BPGM: variants seen among roughly 807,000 people sequenced by gnomAD.
The protein encoded by BPGM is 2,3-bisphosphoglycerate mutase, erythrocyte.
In BPGM, 15 loss-of-function variants were observed where a neutral mutation model predicts 21.6. That is an observed-to-expected ratio of 0.70 (90% CI 0.47 to 1.07). The LOEUF (loss-of-function observed/expected upper bound fraction) is 1.07. BPGM is among the 50% of genes least tolerant of loss of function. The pLI is 0.00. For synonymous variants in BPGM, 113 were observed against 116.2 expected (o/e 0.97, Z 0.18); for missense variants, 273 against 319.0 (o/e 0.86, Z 1.10).
Position 134,647,915 on chromosome 7 carries a change from A to G in BPGM, c.-62+978A>G, listed in dbSNP as rs1325589718. Among the ~76,000 whole-genome samples the G allele has an allele frequency of 7.2e-5, 11 of 152,016 alleles. No homozygotes were observed. In the East Asian group the frequency reaches 2.1e-3, roughly 29 times the overall value. Reference sequence around the variant, plus strand: ...CGGGTTCAAGTGATTCTCCTGCCTCAGCCTCCCAAGTAGCTGGGATTACAA... The same window carrying G: ...CGGGTTCAAGTGATTCTCCTGCCTCGGCCTCCCAAGTAGCTGGGATTACAA... On this transcript the variant is annotated intron_variant, in intron 1 of 2. Transcript: ENST00000344924.
intron 2 of BPGM, among the ~76,000 whole-genome samples, chr7:134,669,682 T>C (rs1795874972): frequency 6.6e-6 from 1 of 152,230 alleles, no homozygotes; most frequent in South Asian, 2.1e-4. Flanking sequence ...GTCAAATGAC[T>C]TATTTATATA....
rs539277194 is a variant in BPGM at position 134,672,542 on chromosome 7, C to A, written c.602-6311C>A. On this transcript the variant is annotated intron_variant, in intron 2 of 2. Transcript: ENST00000344924. ...GTAATGACAACTGTATTTAACTCCA[C>A]ACCACTGTGGAGAGGGGTAGGTACA... 8.5e-5 allele frequency among the ~76,000 whole-genome samples: 13 copies of A among 152,284 alleles called. No homozygotes were observed. In the East Asian group the frequency reaches 2.1e-3, roughly 25 times the overall value.
Position 134,665,272 on chromosome 7 carries a change from T to C in BPGM, c.601+3164T>C, listed in dbSNP as rs1198125106. 2.1e-4 allele frequency among the ~76,000 whole-genome samples: 6 copies of C among 28,254 alleles called. 2 individuals are homozygous for C. Among genetic ancestry groups the C allele is most frequent in the Non-Finnish European group, 3.4e-4 (6 of 17,686 alleles). The allele number at this position is 28,254 out of a possible 152,430, so 18.5% of individuals were successfully genotyped here. On this transcript the variant is annotated intron_variant, in intron 2 of 2. Transcript: ENST00000344924. Reference sequence around the variant, plus strand: ...CAAAGTGCACATATACACCATGGAATACTATGCAGCCATAAAAAATGATGA... The same window carrying C: ...CAAAGTGCACATATACACCATGGAACACTATGCAGCCATAAAAAATGATGA...
chr7:134,663,368 ATGTGTGTGTGTGTG>A (rs146657759), intron 2 of BPGM, among the ~76,000 whole-genome samples: 1 of 151,062 alleles, frequency 6.6e-6, no homozygotes, highest in African/African-American at 2.4e-5. Context: ...GGCACTTGAT[ATGTGTGTGTGTGTG>A]TGTTTGTGTG....
In BPGM at chr7:134,658,189, T is replaced by C. The variant is rs576255632; in HGVS notation, c.-61-3258T>C. 2.0e-4 allele frequency among the ~76,000 whole-genome samples: 31 copies of C among 152,282 alleles called. 1 individual carries two copies. The South Asian group carries it at 6.4e-3, about 32-fold the overall frequency. The stretch of plus-strand genomic sequence containing the variant: ...TGGAGCTAAGTAGTAGGTACTCCTT[T>C]GATTTTTTACATGAATTTTTAGGAG... On this transcript the variant is annotated intron_variant, in intron 1 of 2. Coordinates refer to ENST00000344924, the MANE Select transcript of BPGM (RefSeq NM_001724.5).
chr7:134,666,639 T>G (rs1338319182), intron 2 of BPGM, among the ~76,000 whole-genome samples: 1 of 152,222 alleles, frequency 6.6e-6, no homozygotes, highest in Non-Finnish European at 1.5e-5. Context: ...GTACTCCAAT[T>G]AACACTAATG....
chr7:134,672,868 A>T (rs1367493043), intron 2 of BPGM, among the ~76,000 whole-genome samples: 1 of 151,986 alleles, frequency 6.6e-6, no homozygotes, highest in African/African-American at 2.4e-5. Context: ...GGTTTTTCCT[A>T]ATTTGCTGTT....
At position 134,661,527 on chromosome 7, in the gene BPGM, T is replaced by C. The variant is rs1795730248; in HGVS notation, c.20T>C (p.Ile7Thr). Reference protein sequence around the residue: MSKYKLIMLRHGEGAWN... With the variant: MSKYKLTMLRHGEGAWN... ...ATCAGTATGTCCAAGTACAAACTTA[T>C]TATGTTAAGACATGGAGAGGGTGCT... Residue 7 changes from isoleucine (I) to threonine (T), a missense_variant, in exon 2 of 3, where the codon ATT (isoleucine) becomes ACT (threonine). By Grantham distance (89) the Ile-to-Thr change is moderately conservative. Transcript: ENST00000344924. The surrounding 1 kb of genome is among the most constrained non-coding windows in gnomAD (Gnocchi z 4.6). 2 of 1,614,144 alleles carry C rather than the reference T, an allele frequency of 1.2e-6. No individual in the cohort carries two copies. The highest frequency in any genetic ancestry group is 4.5e-5 in the East Asian group (2 of 44,884).
At chr7:134,649,860 G>T (rs1337817851) in intron 1 of BPGM, among the ~76,000 whole-genome samples, 2 of 152,058 alleles carry the variant, frequency 1.3e-5, no homozygotes, top group Non-Finnish European at 2.9e-5. Context: ...TTTATTCCCA[G>T]CTTTCGCTTC....
intron 2 of BPGM, among the ~76,000 whole-genome samples, chr7:134,669,939 C>T (rs1451889662): frequency 6.6e-6 from 1 of 152,090 alleles, no homozygotes; most frequent in Non-Finnish European, 1.5e-5. Flanking sequence ...ACCGTGAAAA[C>T]ATCTAACGCA....
chr7:134,677,808 A>G (rs1172871347), intron 2 of BPGM, among the ~76,000 whole-genome samples: 1 of 152,158 alleles, frequency 6.6e-6, no homozygotes, highest in Non-Finnish European at 1.5e-5. Context: ...GCTGAACTTC[A>G]TCTCTTTCTC....
chr7:134,679,013 G>A lies in BPGM; in HGVS notation c.762G>A (p.Val254=), dbSNP rs1796024292. Residue 254 remains valine, a synonymous_variant, in exon 3 of 3, where the codon GTG becomes GTA. Coordinates refer to ENST00000344924, the MANE Select transcript of BPGM (RefSeq NM_001724.5). ...AIKKVEDQGK[V]KQAKK ...AGAAAGTAGAAGATCAAGGAAAAGTGAAACAAGCTAAAAAATAGTCTTTCT... is the reference window on the plus strand; with the variant it reads ...AGAAAGTAGAAGATCAAGGAAAAGTAAAACAAGCTAAAAAATAGTCTTTCT... 1 of 1,614,044 alleles carries A rather than the reference G, an allele frequency of 6.2e-7. No individual in the cohort carries two copies. Among genetic ancestry groups the A allele is most frequent in the Non-Finnish European group, 8.5e-7 (1 of 1,180,008 alleles).
Position 134,661,693 on chromosome 7 carries a change from G to A in BPGM, c.186G>A (p.Arg62=), listed in dbSNP as rs184531591. The A allele has an allele frequency of 5.3e-5, 85 of 1,614,086 alleles. No homozygotes were observed. The Admixed American group carries it at 1.1e-3, about 21-fold the overall frequency. Residue 62 remains arginine (R), a synonymous_variant, in exon 2 of 3, where the codon CGG becomes CGA. Transcript: ENST00000344924. The surrounding 1 kb of genome is among the most constrained non-coding windows in gnomAD (Gnocchi z 4.6). ...FDLVFTSVLN[R]SIHTAWLILE... ...TTGTATTCACATCTGTCCTTAATCGGTCCATTCACACAGCCTGGCTGATCC... is the reference window on the plus strand; with the variant it reads ...TTGTATTCACATCTGTCCTTAATCGATCCATTCACACAGCCTGGCTGATCC...
intron 1 of BPGM, among the ~76,000 whole-genome samples, chr7:134,649,173 T>A (rs1679897063): frequency 6.9e-6 from 1 of 145,708 alleles, no homozygotes; most frequent in African/African-American, 2.6e-5. Context: ...ACAATTAAAT[T>A]GTTTTTTTTT....
At chr7:134,672,106 C>T (rs760425484) in intron 2 of BPGM, among the ~76,000 whole-genome samples, 3 of 152,094 alleles carry the variant, frequency 2.0e-5, no homozygotes, top group Non-Finnish European at 4.4e-5. Flanking sequence ...GACTTTCTCC[C>T]CAATTTTGGC....
chr7:134,679,189 G>A lies in BPGM; in HGVS notation c.*158G>A. On this transcript the variant is annotated 3_prime_UTR_variant, in exon 3 of 3. Transcript: ENST00000344924. ...GGTAACTTATTGTGGCCCAGATAAG[G>A]CTTTAGGATGCCTCAGTGCTTATGT... 1.3e-6 allele frequency: 1 copy of A among 776,524 alleles called. No individual in the cohort carries two copies. Among genetic ancestry groups the A allele is most frequent in the South Asian group, 1.8e-5 (1 of 56,440 alleles). The allele number at this position is 776,524 out of a possible 1,614,324, so 48.1% of individuals were successfully genotyped here.
intron 1 of BPGM, among the ~76,000 whole-genome samples, chr7:134,647,842 G>A (rs1795485164): frequency 6.6e-6 from 1 of 152,146 alleles, no homozygotes; most frequent in African/African-American, 2.4e-5. Flanking sequence ...CGCCCAGGCT[G>A]GAGCGACTGC....
chr7:134,679,006 G>A lies in BPGM; in HGVS notation c.755G>A (p.Gly252Glu). ...QAAIKKVEDQ[G>E]KVKQAKK The stretch of plus-strand genomic sequence containing the variant: ...GCCATTAAGAAAGTAGAAGATCAAG[G>A]AAAAGTGAAACAAGCTAAAAAATAG... Residue 252 changes from glycine (G) to glutamate (E), a missense_variant, in exon 3 of 3, where the codon GGA (glycine) becomes GAA (glutamate). Physicochemically the swap from Gly to Glu is moderately conservative, Grantham distance 98. Coordinates refer to ENST00000344924, the MANE Select transcript of BPGM (RefSeq NM_001724.5). The A allele has an allele frequency of 6.2e-7, 1 of 1,614,136 alleles. No individual in the cohort carries two copies. The highest frequency in any genetic ancestry group is 8.5e-7 in the Non-Finnish European group (1 of 1,179,998).
chr7:134,661,011 TC>T lies in BPGM; in HGVS notation c.-61-434del, dbSNP rs1461431699. Among the ~76,000 whole-genome samples, 1 of 152,214 alleles carries T rather than the reference TC, an allele frequency of 6.6e-6. No homozygotes were observed. The highest frequency in any genetic ancestry group is 2.4e-5 in the African/African-American group (1 of 41,452). On this transcript the variant is annotated intron_variant, in intron 1 of 2. Coordinates refer to ENST00000344924, the MANE Select transcript of BPGM (RefSeq NM_001724.5). This position sits in a 1 kb window ranked among gnomAD's most constrained non-coding sequence, Gnocchi z 4.6. ...TGTGAGACTGGTAAATACTTCTTTTTCCACCACAGGAAAACAAAGTGAAAAG... is the reference window on the plus strand; with the variant it reads ...TGTGAGACTGGTAAATACTTCTTTTTCACCACAGGAAAACAAAGTGAAAAG...
Sources: gnomAD v4.1 joint callset for allele counts (sites outside exome capture counted in the v4.1 genomes callset) on GRCh38, gnomAD v4.1.1 for gene constraint, Gnocchi (gnomAD v3.1) non-coding constraint, MANE v1.5 for transcripts, NCBI Gene and HGNC (gene_info 2026-07-23, HGNC 2026-07-21) for gene names.